The following RANBP17 variants were observed in gnomAD, a reference collection of about 807,000 sequenced individuals.
The protein encoded by RANBP17 is ran-binding protein 17.
Under a neutral mutation model 141.2 loss-of-function variants are expected in RANBP17, and 158 were observed. That is an observed-to-expected ratio of 1.12 (90% CI 0.98 to 1.28). RANBP17 has a LOEUF of 1.28. RANBP17 is among the 50% of genes most tolerant of loss of function. The probability of loss-of-function intolerance (pLI) is 0.00; values close to 1 mark genes in which losing one functional copy is unlikely to be tolerated. For synonymous variants in RANBP17, 430 were observed against 450.0 expected, an observed-to-expected ratio of 0.96 and a Z score of 0.56; for missense variants, 1,438 against 1,290.7, an observed-to-expected ratio of 1.11 and a Z score of -1.75.
chr5:170,862,542 C>T (rs74984689), intron 1 of RANBP17, among the ~76,000 whole-genome samples: 5,650 of 152,302 alleles, frequency 0.037, 154 homozygotes, highest in East Asian at 0.11. Flanking sequence ...GCTTGGGATC[C>T]ACCGAAGGAG....
intron 5 of RANBP17, chr5:170,897,429 T>C (rs1770230719): frequency 7.7e-6 from 3 of 388,218 alleles, no homozygotes; most frequent in African/African-American, 2.1e-5. Context: ...TGTTATACTT[T>C]AAGTTCTTGG....
chr5:171,068,590 G>T (rs1784444582), intron 14 of RANBP17, among the ~76,000 whole-genome samples: 1 of 151,714 alleles, frequency 6.6e-6, no homozygotes, highest in Admixed American at 6.6e-5. Context: ...TGTTGTTGTT[G>T]TTGTTGTTGT....
chr5:171,096,016 T>C (rs1214741289), intron 14 of RANBP17, among the ~76,000 whole-genome samples: 1 of 152,144 alleles, frequency 6.6e-6, no homozygotes, highest in African/African-American at 2.4e-5. Context: ...CTCATCATCT[T>C]CATGTCAAGG....
In RANBP17 at chr5:170,862,025, C is replaced by G; in HGVS notation, c.-9C>G. ...ACCGGCCGGCTGGCCGGCGCCGCCT[C>G]CTGGGAAGATGGCGCTGCACTTCCA... On this transcript the variant is annotated 5_prime_UTR_variant, in exon 1 of 28. Transcript: ENST00000523189. The G allele has an allele frequency of 6.8e-7, 1 of 1,460,366 alleles. No homozygotes were observed. The highest frequency in any genetic ancestry group is 3.0e-5 in the East Asian group (1 of 32,922). 90.5% of individuals were successfully genotyped at this position (1,460,366 alleles called of 1,614,324 possible). A position where few individuals can be genotyped will look rare whatever the true frequency, so the allele number is the denominator to read the frequency against.
chr5:170,946,438 A>G (rs1264897714), intron 12 of RANBP17, among the ~76,000 whole-genome samples: 1 of 152,192 alleles, frequency 6.6e-6, no homozygotes, highest in East Asian at 1.9e-4. Flanking sequence ...AGTGTATAAC[A>G]TATCCTACAC....
intron 8 of RANBP17, 68 bp from the exon 9 acceptor site, chr5:170,916,397 C>G: frequency 8.8e-7 from 1 of 1,140,710 alleles, no homozygotes; most frequent in Middle Eastern, 2.6e-4. Context: ...AATGTAAAGA[C>G]TAGTATTCCT....
Position 171,295,950 on chromosome 5 carries a change from G to C in RANBP17, c.3106G>C (p.Ala1036Pro), listed in dbSNP as rs375240827. The C allele has an allele frequency of 6.2e-7, 1 of 1,613,786 alleles. No individual in the cohort carries two copies. Among genetic ancestry groups the C allele is most frequent in the African/African-American group, 1.3e-5 (1 of 74,902 alleles). Reference protein sequence around the residue: ...SQPLPKQEVLAQCFRNLMEGV... With the variant: ...SQPLPKQEVLPQCFRNLMEGV... ...GCCCCTCCCCAAGCAGGAGGTCCTT[G>C]CCCAGTGCTTCAGAAACCTAATGGA... Residue 1036 changes from alanine (A) to proline (P), a missense_variant, in exon 27 of 28, where the codon GCC (alanine) becomes CCC (proline). By Grantham distance (27) the Ala-to-Pro change is conservative (BLOSUM62 -1). Transcript: ENST00000523189.
At chr5:171,011,882 T>G (rs1780061337) in intron 14 of RANBP17, among the ~76,000 whole-genome samples, 1 of 151,996 alleles carries the variant, frequency 6.6e-6, no homozygotes, top group African/African-American at 2.4e-5. Flanking sequence ...GGATTTAATG[T>G]CTCTTTAATC....
chr5:171,121,812 A>G (rs1756056423), intron 14 of RANBP17, among the ~76,000 whole-genome samples: 1 of 151,612 alleles, frequency 6.6e-6, no homozygotes, highest in Non-Finnish European at 1.5e-5. Flanking sequence ...TGCAATAGTT[A>G]CTCACCCCCA....
chr5:171,253,914 A>G (rs1053279929), intron 24 of RANBP17, among the ~76,000 whole-genome samples: 1 of 152,152 alleles, frequency 6.6e-6, no homozygotes, highest in African/African-American at 2.4e-5. Context: ...TAAATCAGTT[A>G]TTTTCTTCAG....
intron 14 of RANBP17, among the ~76,000 whole-genome samples, chr5:171,040,878 A>G (rs1475995636): frequency 6.6e-6 from 1 of 152,164 alleles, no homozygotes; most frequent in Admixed American, 6.6e-5. Flanking sequence ...GAAAAATCAT[A>G]TTCTATTTCA....
chr5:171,282,266 G>T (rs537718329), intron 25 of RANBP17, among the ~76,000 whole-genome samples: 1 of 152,146 alleles, frequency 6.6e-6, no homozygotes, highest in Non-Finnish European at 1.5e-5. Flanking sequence ...AACTATTCCT[G>T]ACAGGGTACA....
chr5:170,877,269 AAT>A (rs375305912), intron 1 of RANBP17, among the ~76,000 whole-genome samples: 2 of 151,756 alleles, frequency 1.3e-5, no homozygotes, highest in Non-Finnish European at 2.9e-5. Context: ...TAATAAAAAT[AAT>A]ATATATATAT....
At chr5:171,090,464 A>G (rs901539133) in intron 14 of RANBP17, among the ~76,000 whole-genome samples, 3 of 152,156 alleles carry the variant, frequency 2.0e-5, no homozygotes, top group African/African-American at 7.2e-5. Context: ...ACAGAGCATA[A>G]AAGTTTGGAA....
chr5:170,908,664 A>T (rs1045914465), intron 5 of RANBP17, among the ~76,000 whole-genome samples: 11 of 151,944 alleles, frequency 7.2e-5, no homozygotes, highest in South Asian at 6.2e-4. Flanking sequence ...TGGGAAAAAA[A>T]AAAAAAGGAA....
At chr5:170,895,972 G>A in intron 4 of RANBP17, 78 bp from the exon 5 acceptor site, 1 of 685,268 alleles carries the variant, frequency 1.5e-6, no homozygotes, top group Admixed American at 3.0e-5. Flanking sequence ...TTAATTGTTT[G>A]TAAATGTTAC....
At chr5:171,135,816 C>T (rs550665047) in intron 14 of RANBP17, among the ~76,000 whole-genome samples, 1 of 152,286 alleles carries the variant, frequency 6.6e-6, no homozygotes, top group South Asian at 2.1e-4. Flanking sequence ...CTAGCTGAGG[C>T]AATTGCTTCT....
At chr5:171,006,883 A>C (rs1481581363) in intron 14 of RANBP17, among the ~76,000 whole-genome samples, 2 of 152,052 alleles carry the variant, frequency 1.3e-5, no homozygotes, top group African/African-American at 4.8e-5. Context: ...TAAGTTTGTC[A>C]TAATTAACAG....
intron 14 of RANBP17, among the ~76,000 whole-genome samples, chr5:171,104,857 G>A (rs990076244): frequency 1.3e-5 from 2 of 152,142 alleles, no homozygotes; most frequent in Admixed American, 1.3e-4. Flanking sequence ...TTCTGTTGAT[G>A]ATGTTGTCAT....
Sources: allele counts gnomAD v4.1 joint callset (sites outside exome capture counted in the v4.1 genomes callset), GRCh38; gene constraint gnomAD v4.1.1; transcripts MANE v1.5; gene names NCBI Gene and HGNC (gene_info 2026-07-23, HGNC 2026-07-21).